The following GFOD1 variants were observed in gnomAD, a reference collection of about 807,000 sequenced individuals.
GFOD1 encodes Gfo/Idh/MocA-like oxidoreductase domain containing 1, also known as glucose-fructose oxidoreductase domain-containing protein 1.
In GFOD1, 9 loss-of-function variants were observed where a neutral mutation model predicts 25.4. The ratio of observed to expected loss-of-function variants is 0.35; its 90% confidence interval spans 0.21 to 0.62. The LOEUF is 0.62. GFOD1 is among the 20% of genes least tolerant of loss of function. The pLI is 0.72. For missense variants in GFOD1, 403 were observed against 556.9 expected (o/e 0.72, Z 2.78); for synonymous variants, 253 against 245.6 (o/e 1.03, Z -0.28).
intron 1 of GFOD1, among the ~76,000 whole-genome samples, chr6:13,481,297 C>G (rs370939231): frequency 6.6e-6 from 1 of 152,132 alleles, no homozygotes; most frequent in East Asian, 1.9e-4. Flanking sequence ...AATGAGCTAG[C>G]CATTCCAAAA....
At chr6:13,414,256 G>A (rs564405894) in intron 1 of GFOD1, among the ~76,000 whole-genome samples, 2 of 152,324 alleles carry the variant, frequency 1.3e-5, no homozygotes, top group Admixed American at 6.5e-5. Flanking sequence ...TGTGGATGGC[G>A]AGAAAAGATG....
At chr6:13,481,974 C>T (rs1177654348) in intron 1 of GFOD1, among the ~76,000 whole-genome samples, 2 of 151,894 alleles carry the variant, frequency 1.3e-5, no homozygotes, top group Non-Finnish European at 2.9e-5. Context: ...CAGGGAACTG[C>T]TTAAATAAAT....
At position 13,364,405 on chromosome 6, in the gene GFOD1, G is replaced by GCCGTATC; in HGVS notation, c.*337_*338insGATACGG. The GCCGTATC allele has an allele frequency of 2.1e-5, 6 of 289,054 alleles. No individual in the cohort carries two copies. The highest frequency in any genetic ancestry group is 7.2e-5 in the East Asian group (1 of 13,876). The allele number at this position is 289,054 out of a possible 1,614,324, so 17.9% of individuals were successfully genotyped here. A position where few individuals can be genotyped will look rare whatever the true frequency, so the allele number is the denominator to read the frequency against. On this transcript the variant is annotated 3_prime_UTR_variant, in exon 2 of 2. Transcript: ENST00000379287. The surrounding 1 kb of genome is among the most constrained non-coding windows in gnomAD (Gnocchi z 4.1). ...GCAGAAGGCCAAGGTGTGTGGGATG[G>GCCGTATC]ATGAGGTAGGGAGGGAAGCAACCCC...
intron 1 of GFOD1, among the ~76,000 whole-genome samples, chr6:13,464,473 T>C (rs547236806): frequency 1.7e-4 from 26 of 152,338 alleles, no homozygotes; most frequent in Admixed American, 2.6e-4. Context: ...TGTCCAGCTA[T>C]AGTTCTATAG....
At chr6:13,386,325 T>C (rs1785475495) in intron 1 of GFOD1, among the ~76,000 whole-genome samples, 1 of 152,156 alleles carries the variant, frequency 6.6e-6, no homozygotes, top group African/African-American at 2.4e-5. Flanking sequence ...CCCCTTTTCA[T>C]TTATAAGCAA....
chr6:13,426,309 T>A (rs1358250497), intron 1 of GFOD1, among the ~76,000 whole-genome samples: 5 of 152,268 alleles, frequency 3.3e-5, no homozygotes, highest in African/African-American at 9.6e-5. Flanking sequence ...ACAGAAGATA[T>A]GAGAGCCAGG....
In GFOD1 at chr6:13,360,495, T is replaced by A; in HGVS notation, c.*4248A>T. The A allele has an allele frequency of 2.8e-6, 1 of 353,416 alleles. No homozygotes were observed. The highest frequency in any genetic ancestry group is 2.1e-5 in the South Asian group (1 of 47,562). 21.9% of individuals were successfully genotyped at this position (353,416 alleles called of 1,614,324 possible). On this transcript the variant is annotated 3_prime_UTR_variant, in exon 2 of 2. Coordinates refer to ENST00000379287, the MANE Select transcript of GFOD1 (RefSeq NM_018988.4). ...CCCTGAGAAAGGACATTTTCCTACG[T>A]TATATTCAGACCCCCAAGAGCAAAT...
chr6:13,436,422 A>T (rs1436749719), intron 1 of GFOD1, among the ~76,000 whole-genome samples: 2 of 152,258 alleles, frequency 1.3e-5, no homozygotes, highest in Non-Finnish European at 2.9e-5. Flanking sequence ...TTTAAACATA[A>T]TTAACACAAA....
chr6:13,442,441 C>CA (rs1757932281), intron 1 of GFOD1, among the ~76,000 whole-genome samples: 1 of 152,128 alleles, frequency 6.6e-6, no homozygotes, highest in Non-Finnish European at 1.5e-5. Context: ...TATTATGAAA[C>CA]ATAGTGATCT....
At chr6:13,460,685 G>C (rs556915546) in intron 1 of GFOD1, among the ~76,000 whole-genome samples, 5 of 117,010 alleles carry the variant, frequency 4.3e-5, no homozygotes, top group Non-Finnish European at 9.8e-5. Flanking sequence ...GAGAGGGAGT[G>C]TATCAGGATA....
At chr6:13,412,060 A>C (rs942342772) in intron 1 of GFOD1, among the ~76,000 whole-genome samples, 5 of 152,246 alleles carry the variant, frequency 3.3e-5, no homozygotes, top group African/African-American at 1.2e-4. Flanking sequence ...AAGTGCTAAG[A>C]GCAATTCCAG....
chr6:13,374,691 T>C (rs1215446176), intron 1 of GFOD1, among the ~76,000 whole-genome samples: 1 of 150,228 alleles, frequency 6.7e-6, no homozygotes. Context: ...TGTATAGTGA[T>C]CAGATCAAGG....
rs149645685 is a variant in GFOD1 at position 13,368,290 on chromosome 6, A to G, written c.254-2628T>C. On this transcript the variant is annotated intron_variant, in intron 1 of 1. Transcript: ENST00000379287. The stretch of plus-strand genomic sequence containing the variant: ...CTTGCCTTTTCTTCTATGTTGGCAG[A>G]GCTGGGCTGGTGCCCCTGATGGCCA... 4.0e-3 allele frequency among the ~76,000 whole-genome samples: 616 copies of G among 152,366 alleles called. 3 individuals carry two copies. Among genetic ancestry groups the G allele is most frequent in the African/African-American group, 0.013 (561 of 41,584 alleles).
At chr6:13,459,380 A>C (rs191535776) in intron 1 of GFOD1, among the ~76,000 whole-genome samples, 411 of 144,130 alleles carry the variant, frequency 2.9e-3, no homozygotes, top group African/African-American at 9.6e-3. Flanking sequence ...AGACTTAAAT[A>C]TAAAATCCAA....
At chr6:13,418,416 T>C (rs1272924278) in intron 1 of GFOD1, among the ~76,000 whole-genome samples, 2 of 152,260 alleles carry the variant, frequency 1.3e-5, no homozygotes, top group African/African-American at 4.8e-5. Flanking sequence ...TTGCAGAATA[T>C]GCAGCCATCA....
intron 1 of GFOD1, among the ~76,000 whole-genome samples, chr6:13,471,214 G>A (rs977767238): frequency 5.3e-5 from 8 of 152,132 alleles, no homozygotes; most frequent in Non-Finnish European, 1.2e-4. Context: ...AGGTGTTCTC[G>A]AAAGTTCTTG....
At chr6:13,384,876 C>G (rs7760579) in intron 1 of GFOD1, among the ~76,000 whole-genome samples, 66,783 of 152,112 alleles carry the variant, frequency 0.44, 16,916 homozygotes, top group East Asian at 0.68. Flanking sequence ...CTGGATTTAG[C>G]AGACTTCCTT....
In GFOD1 at chr6:13,436,041, C is replaced by T. The variant is rs140619670; in HGVS notation, c.253+50597G>A. On this transcript the variant is annotated intron_variant, in intron 1 of 1. Coordinates refer to ENST00000379287, the MANE Select transcript of GFOD1 (RefSeq NM_018988.4). ...AATTTGCGTTCTTGACTTCTAGAAACATTCATCTCTGTTATCGGGGAGTAA... is the reference window on the plus strand; with the variant it reads ...AATTTGCGTTCTTGACTTCTAGAAATATTCATCTCTGTTATCGGGGAGTAA... 4.5e-3 allele frequency among the ~76,000 whole-genome samples: 687 copies of T among 152,296 alleles called. 5 individuals carry two copies. The highest frequency in any genetic ancestry group is 0.016 in the African/African-American group (658 of 41,568).
At chr6:13,470,349 G>A (rs1331097234) in intron 1 of GFOD1, 3 of 1,558,596 alleles carry the variant, frequency 1.9e-6, no homozygotes, top group African/African-American at 2.7e-5. Context: ...CAGTTCCACA[G>A]ACAAATGCAG....
Sources: allele counts gnomAD v4.1 joint callset (sites outside exome capture counted in the v4.1 genomes callset), GRCh38; gene constraint gnomAD v4.1.1; non-coding constraint Gnocchi (gnomAD v3.1); transcripts MANE v1.5; gene names NCBI Gene and HGNC (gene_info 2026-07-23, HGNC 2026-07-21).